Variants in RAB40C observed in about 807,000 individuals in gnomAD.
The protein encoded by RAB40C is RAB40C, member RAS oncogene family, also known as ras-related protein Rab-40C.
Under a neutral mutation model 28.1 loss-of-function variants are expected in RAB40C, and 8 were observed. The observed-to-expected ratio is 0.28, with a 90% CI of 0.17 to 0.51. The LOEUF (loss-of-function observed/expected upper bound fraction) is 0.51, where lower values mean the gene tolerates loss of function less well. RAB40C is among the 20% of genes least tolerant of loss of function. The pLI is 0.97. For missense variants in RAB40C, 288 were observed against 405.9 expected, an observed-to-expected ratio of 0.71 and a Z score of 2.50; for synonymous variants, 201 against 171.7, an observed-to-expected ratio of 1.17 and a Z score of -1.34.
Position 626,101 on chromosome 16 carries a change from A to G in RAB40C, c.545A>G (p.Lys182Arg), listed in dbSNP as rs748403129. The G allele has an allele frequency of 6.2e-7, 1 of 1,613,020 alleles. No homozygotes were observed. The highest frequency in any genetic ancestry group is 8.5e-7 in the Non-Finnish European group (1 of 1,179,896). ...RIVLMRHGMEKIWRPNRVFSL... is the reference protein window; with the variant it reads ...RIVLMRHGMERIWRPNRVFSL... ...GTGCTCATGCGGCACGGCATGGAGA[A>G]GATCTGGAGGCCCAACCGAGGTGGG... Residue 182 changes from lysine to arginine, a missense_variant, in exon 5 of 6, where the codon AAG (lysine) becomes AGG (arginine). Transcript: ENST00000248139.
intron 1 of RAB40C, among the ~76,000 whole-genome samples, chr16:604,154 A>G (rs1017347880): frequency 3.3e-5 from 5 of 151,616 alleles, no homozygotes; most frequent in African/African-American, 1.2e-4. Flanking sequence ...CTTGGGCTCA[A>G]CTGATCCTCC....
intron 1 of RAB40C, chr16:596,361 C>T (rs1279939505): frequency 2.2e-6 from 1 of 455,998 alleles, no homozygotes; most frequent in Admixed American, 2.3e-5. Context: ...TGAAAAGCTG[C>T]CGCCTACCCT....
At chr16:596,339 G>A (rs1364841662) in intron 1 of RAB40C, 1 of 456,126 alleles carries the variant, frequency 2.2e-6, no homozygotes, top group Admixed American at 2.3e-5. Flanking sequence ...AAGGCGCGAA[G>A]CTGCTGGTCC....
chr16:590,258 C>T lies in RAB40C; in HGVS notation c.-34C>T, dbSNP rs533251687. 3.5e-6 allele frequency: 5 copies of T among 1,426,262 alleles called. No homozygotes were observed. The highest frequency in any genetic ancestry group is 4.6e-6 in the Non-Finnish European group (5 of 1,086,208). 88.4% of individuals were successfully genotyped at this position (1,426,262 alleles called of 1,614,324 possible). A position where few individuals can be genotyped will look rare whatever the true frequency, so the allele number is the denominator to read the frequency against. On this transcript the variant is annotated 5_prime_UTR_variant, in exon 1 of 6. Transcript: ENST00000248139. The stretch of plus-strand genomic sequence containing the variant: ...GCGGCCTCACCCGGCGGTGCTTCGG[C>T]AGGCGGCCGGCGCGGGGCGCAGGCG...
rs568673433 is a variant in RAB40C at position 628,797 on chromosome 16, A to C, written c.*1175A>C. On this transcript the variant is annotated 3_prime_UTR_variant, in exon 6 of 6. Transcript: ENST00000248139. The stretch of plus-strand genomic sequence containing the variant: ...GGGCCTGCCCACAGCACTGGTGCTC[A>C]CCTCTACCTCCTGTCCTCAGGCCGT... 1.3e-5 allele frequency: 2 copies of C among 152,726 alleles called. No individual in the cohort carries two copies. The highest frequency in any genetic ancestry group is 1.3e-4 in the Admixed American group (2 of 15,280). 9.5% of individuals were successfully genotyped at this position (152,726 alleles called of 1,614,324 possible).
At chr16:614,098 C>T (rs546262549) in intron 1 of RAB40C, among the ~76,000 whole-genome samples, 209 of 151,676 alleles carry the variant, frequency 1.4e-3, no homozygotes, top group African/African-American at 4.5e-3. Context: ...CGAACTCTAC[C>T]GCATCCCGAT....
intron 1 of RAB40C, among the ~76,000 whole-genome samples, chr16:607,652 G>A (rs747315894): frequency 1.2e-4 from 17 of 143,978 alleles, no homozygotes; most frequent in African/African-American, 1.8e-4. Flanking sequence ...TTAGGCAGGC[G>A]CGGTGGTGGG....
rs2036468828 is a variant in RAB40C, at chr16:610,874, G to A, written c.143-6334G>A. Reference sequence around the variant, plus strand: ...CAGACCTTTTCCAGAGTGACATCCTGGGGCCCTGTGTGGTCAGAGGGCTCC... The same window carrying A: ...CAGACCTTTTCCAGAGTGACATCCTAGGGCCCTGTGTGGTCAGAGGGCTCC... On this transcript the variant is annotated intron_variant, in intron 1 of 5. Transcript: ENST00000248139. This position sits in a 1 kb window ranked among gnomAD's most constrained non-coding sequence, Gnocchi z 4.6. 6.6e-6 allele frequency among the ~76,000 whole-genome samples: 1 copy of A among 152,140 alleles called. No homozygotes were observed. The highest frequency in any genetic ancestry group is 6.5e-5 in the Admixed American group (1 of 15,278).
intron 1 of RAB40C, among the ~76,000 whole-genome samples, chr16:598,438 G>A (rs2151061806): frequency 6.6e-6 from 1 of 151,248 alleles, no homozygotes; most frequent in Middle Eastern, 3.4e-3. Flanking sequence ...GCGCATACCT[G>A]TAGCCCCAAC....
chr16:629,008 A>T lies in RAB40C; in HGVS notation c.*1386A>T, dbSNP rs1269523125. 6.4e-6 allele frequency: 1 copy of T among 155,546 alleles called. No individual in the cohort carries two copies. Among genetic ancestry groups the T allele is most frequent in the Non-Finnish European group, 1.4e-5 (1 of 69,968 alleles). 9.6% of individuals were successfully genotyped at this position (155,546 alleles called of 1,614,324 possible). A position where few individuals can be genotyped will look rare whatever the true frequency, so the allele number is the denominator to read the frequency against. The stretch of plus-strand genomic sequence containing the variant: ...GCCTGCATGAACTACCAGATGAGTA[A>T]GGGAACCCCAGGCAGGCGGCCCTGC... On this transcript the variant is annotated 3_prime_UTR_variant, in exon 6 of 6. Coordinates refer to ENST00000248139, the MANE Select transcript of RAB40C (RefSeq NM_021168.5).
chr16:606,881 G>T (rs992051566), intron 1 of RAB40C, among the ~76,000 whole-genome samples: 2 of 152,146 alleles, frequency 1.3e-5, no homozygotes, highest in African/African-American at 2.4e-5. Flanking sequence ...CCCACCTCGA[G>T]ATCCGTGCAC....
chr16:629,206 C>T lies in RAB40C; in HGVS notation c.*1584C>T. 4.0e-6 allele frequency: 1 copy of T among 252,710 alleles called. No homozygotes were observed. Among genetic ancestry groups the T allele is most frequent in the Non-Finnish European group, 8.2e-6 (1 of 122,438 alleles). The allele number at this position is 252,710 out of a possible 1,614,324, so 15.7% of individuals were successfully genotyped here. The stretch of plus-strand genomic sequence containing the variant: ...ACACTACCCGCGCTGCTGTTAGACA[C>T]TCCGCCATTCCTGGTTCTCTCCGAA... On this transcript the variant is annotated 3_prime_UTR_variant, in exon 6 of 6. Transcript: ENST00000248139.
intron 1 of RAB40C, among the ~76,000 whole-genome samples, chr16:614,641 G>A (rs1023557205): frequency 6.9e-6 from 1 of 145,386 alleles, no homozygotes; most frequent in African/African-American, 2.6e-5. Context: ...TAACTCTGCC[G>A]TATCCCGATG....
At chr16:590,536 T>G in intron 1 of RAB40C, 103 bp downstream of exon 1, 2 of 1,329,816 alleles carry the variant, frequency 1.5e-6, no homozygotes, top group Non-Finnish European at 1.9e-6. Context: ...CCGCCGAACG[T>G]TCCCAGGAAC....
chr16:592,863 C>G (rs930071086), intron 1 of RAB40C, among the ~76,000 whole-genome samples: 9 of 152,260 alleles, frequency 5.9e-5, no homozygotes, highest in Non-Finnish European at 1.2e-4. Flanking sequence ...TCCCTGTCCC[C>G]TTCGTCGGGC....
rs549760514 is a variant in RAB40C, at chr16:617,011, G to A, written c.143-197G>A. The A allele has an allele frequency of 5.6e-5, 34 of 603,822 alleles. 1 individual carries two copies. In the Middle Eastern group the frequency reaches 1.8e-3, roughly 32 times the overall value. 37.4% of individuals were successfully genotyped at this position (603,822 alleles called of 1,614,324 possible). A position where few individuals can be genotyped will look rare whatever the true frequency, so the allele number is the denominator to read the frequency against. On this transcript the variant is annotated intron_variant, in intron 1 of 5. Transcript: ENST00000248139. ...CCCTGCCCCGCCCTGCCCGTGGCCC[G>A]TGTGCAGAAGTGGGCAGGCCTGGGT...
In RAB40C at chr16:627,587, C is replaced by G. The variant is rs150789883; in HGVS notation, c.811C>G (p.Gln271Glu). The G allele has an allele frequency of 1.2e-5, 19 of 1,603,268 alleles. No homozygotes were observed. The highest frequency in any genetic ancestry group is 6.7e-5 in the African/African-American group (5 of 74,682). Residue 271 changes from glutamine (Q) to glutamate (E), a missense_variant, in exon 6 of 6, where the codon CAG becomes GAG. By Grantham distance (29) the Gln-to-Glu change is conservative. Around this residue, in one of 3 missense-constraint regions of RAB40C, gnomAD observed 57 missense variants for 55.3 expected, o/e 1.03. Coordinates refer to ENST00000248139, the MANE Select transcript of RAB40C (RefSeq NM_021168.5). ...KSIRPPQSPP[Q>E]NCSRSNCKIS ...CATCCGTCCACCCCAGAGCCCCCCCCAGAACTGCTCGCGGAGTAACTGCAA... is the reference window on the plus strand; with the variant it reads ...CATCCGTCCACCCCAGAGCCCCCCCGAGAACTGCTCGCGGAGTAACTGCAA...
intron 3 of RAB40C, among the ~76,000 whole-genome samples, chr16:622,388 A>G (rs1438172802): frequency 2.6e-5 from 4 of 151,896 alleles, no homozygotes; most frequent in Non-Finnish European, 4.4e-5. Context: ...CCCGCGAGGC[A>G]TGAGCGGCAC....
In RAB40C at chr16:627,840, C is replaced by T. The variant is rs754716343; in HGVS notation, c.*218C>T. 3.0e-4 allele frequency: 152 copies of T among 499,066 alleles called. No homozygotes were observed. The highest frequency in any genetic ancestry group is 4.7e-4 in the Non-Finnish European group (141 of 301,550). 30.9% of individuals were successfully genotyped at this position (499,066 alleles called of 1,614,324 possible). A position where few individuals can be genotyped will look rare whatever the true frequency, so the allele number is the denominator to read the frequency against. On this transcript the variant is annotated 3_prime_UTR_variant, in exon 6 of 6. Coordinates refer to ENST00000248139, the MANE Select transcript of RAB40C (RefSeq NM_021168.5). ...GGCGCGGCTGGGCTGCTGGTGCTTC[C>T]GGGAATCTTGGTCGGAAACAAGCCG...
Sources: gnomAD v4.1 joint callset for allele counts (sites outside exome capture counted in the v4.1 genomes callset) on GRCh38, gnomAD v4.1.1 for gene constraint, gnomAD v4.1.1 regional missense constraint, Gnocchi (gnomAD v3.1) non-coding constraint, MANE v1.5 for transcripts, NCBI Gene and HGNC (gene_info 2026-07-23, HGNC 2026-07-21) for gene names.